CSNK2A2IP: variants seen among roughly 807,000 people sequenced by gnomAD.
The protein encoded by CSNK2A2IP is casein kinase II subunit alpha'-interacting protein.
the CSNK2A2IP span, among the ~76,000 whole-genome samples, chr3:88,411,387 A>G: frequency 0.011 from 1,376 of 121,048 alleles, 14 homozygotes; most frequent in East Asian, 0.044. Context: ...CTGTCTATCT[A>G]TCTATCTATC....
At chr3:88,364,625 G>T in the CSNK2A2IP span, among the ~76,000 whole-genome samples, 80 of 152,182 alleles carry the variant, frequency 5.3e-4, no homozygotes, top group Middle Eastern at 3.4e-3. Flanking sequence ...AGATATTGTT[G>T]ATTGATGACT....
chr3:88,380,167 A>C, the CSNK2A2IP span, among the ~76,000 whole-genome samples: 1 of 152,120 alleles, frequency 6.6e-6, no homozygotes, highest in Non-Finnish European at 1.5e-5. Flanking sequence ...GAAAAGAATT[A>C]ATAGAAATAA....
the CSNK2A2IP span, among the ~76,000 whole-genome samples, chr3:88,439,545 C>A: frequency 6.6e-6 from 1 of 151,650 alleles, no homozygotes; most frequent in Non-Finnish European, 1.5e-5. Context: ...AGATGGAGAC[C>A]ATCCTGGCCA....
chr3:88,416,938 T>C, the CSNK2A2IP span, among the ~76,000 whole-genome samples: 5 of 151,960 alleles, frequency 3.3e-5, no homozygotes, highest in Non-Finnish European at 7.4e-5. Context: ...TGAAAATAAT[T>C]TACAGCACTA....
chr3:88,342,511 G>T, the CSNK2A2IP span, among the ~76,000 whole-genome samples: 9 of 151,902 alleles, frequency 5.9e-5, no homozygotes, highest in South Asian at 1.0e-3. Context: ...GCTGTTGCTG[G>T]TGTCTCTCTT....
the CSNK2A2IP span, among the ~76,000 whole-genome samples, chr3:88,463,863 T>A: frequency 6.6e-6 from 1 of 152,080 alleles, no homozygotes; most frequent in Non-Finnish European, 1.5e-5. Context: ...GTATGTTTAT[T>A]GCAGCACTAT....
At chr3:88,463,757 A>G in the CSNK2A2IP span, among the ~76,000 whole-genome samples, 1 of 152,132 alleles carries the variant, frequency 6.6e-6, no homozygotes, top group Non-Finnish European at 1.5e-5. Context: ...TTCCTCAGGG[A>G]TCTAGAACTG....
chr3:88,450,680 T>A, the CSNK2A2IP span, among the ~76,000 whole-genome samples: 1 of 152,094 alleles, frequency 6.6e-6, no homozygotes, highest in African/African-American at 2.4e-5. Flanking sequence ...GTTTCTTTTT[T>A]TGTTTTTAAT....
chr3:88,425,278 C>T, the CSNK2A2IP span, among the ~76,000 whole-genome samples: 1 of 151,972 alleles, frequency 6.6e-6, no homozygotes, highest in East Asian at 1.9e-4. Context: ...GTAGTTAGCT[C>T]TCTGTGACAT....
chr3:88,387,465 G>A, the CSNK2A2IP span, among the ~76,000 whole-genome samples: 2 of 152,026 alleles, frequency 1.3e-5, no homozygotes, highest in Non-Finnish European at 2.9e-5. Context: ...TACTGTGCCC[G>A]GCCAAACACA....
At chr3:88,392,348 C>T in the CSNK2A2IP span, among the ~76,000 whole-genome samples, 847 of 151,934 alleles carry the variant, frequency 5.6e-3, 5 homozygotes, top group African/African-American at 0.02. Context: ...TTACACACCC[C>T]GAAATAGCTA....
At chr3:88,401,693 T>G in the CSNK2A2IP span, among the ~76,000 whole-genome samples, 2 of 152,068 alleles carry the variant, frequency 1.3e-5, no homozygotes, top group Admixed American at 6.6e-5. Flanking sequence ...AAGACTCACT[T>G]GCAAAATCTC....
At chr3:88,425,685 G>T in the CSNK2A2IP span, among the ~76,000 whole-genome samples, 1 of 152,108 alleles carries the variant, frequency 6.6e-6, no homozygotes, top group Non-Finnish European at 1.5e-5. Context: ...AGTAGTGGGA[G>T]CAGTATTAGT....
At chr3:88,451,727 CTCTCT>C in the CSNK2A2IP span, among the ~76,000 whole-genome samples, 1 of 118,692 alleles carries the variant, frequency 8.4e-6, no homozygotes, top group African/African-American at 3.1e-5. Flanking sequence ...TGTAATCTCT[CTCTCT>C]TTTTTTTTTT....
the CSNK2A2IP span, among the ~76,000 whole-genome samples, chr3:88,428,800 G>A: frequency 6.6e-6 from 1 of 151,992 alleles, no homozygotes; most frequent in Non-Finnish European, 1.5e-5. Context: ...TGTAAGACAT[G>A]AGAATTAGAC....
chr3:88,427,768 C>T, the CSNK2A2IP span, among the ~76,000 whole-genome samples: 10 of 152,192 alleles, frequency 6.6e-5, no homozygotes, highest in South Asian at 4.2e-4. Flanking sequence ...AAAGGACGTC[C>T]GGTTTTATAC....
chr3:88,412,238 T>C, the CSNK2A2IP span, among the ~76,000 whole-genome samples: 1 of 151,982 alleles, frequency 6.6e-6, no homozygotes, highest in African/African-American at 2.4e-5. Context: ...TTTCTATGTG[T>C]ATATTTTAAG....
At chr3:88,459,763 G>A in the CSNK2A2IP span, among the ~76,000 whole-genome samples, 1 of 151,972 alleles carries the variant, frequency 6.6e-6, no homozygotes, top group Non-Finnish European at 1.5e-5. Context: ...AATGGAAGTT[G>A]GATGTTATCA....
chr3:88,384,387 C>CA, the CSNK2A2IP span, among the ~76,000 whole-genome samples: 5 of 142,934 alleles, frequency 3.5e-5, no homozygotes, highest in East Asian at 4.1e-4. Flanking sequence ...AACAAAAAAA[C>CA]AAAAAACACT....
Sources: gnomAD v4.1 joint callset for allele counts (sites outside exome capture counted in the v4.1 genomes callset) on GRCh38, gnomAD v4.1.1 for gene constraint, MANE v1.5 for transcripts, NCBI Gene and HGNC (gene_info 2026-07-23, HGNC 2026-07-21) for gene names.